Variants in DDX21 observed in about 807,000 individuals in gnomAD.
DDX21 encodes the protein nucleolar RNA helicase 2.
A neutral mutation model predicts 90.0 loss-of-function variants in DDX21; 18 were observed. The observed-to-expected ratio is 0.20, with a 90% CI of 0.14 to 0.30. The LOEUF is 0.30. DDX21 is among the 10% of genes least tolerant of loss of function. The probability of loss-of-function intolerance (pLI) is 1.00; values close to 1 mark genes in which losing one functional copy is unlikely to be tolerated. For synonymous variants in DDX21, 294 were observed against 318.0 expected (o/e 0.92, Z 0.80); for missense variants, 673 against 944.5 (o/e 0.71, Z 3.77).
intron 10 of DDX21, among the ~76,000 whole-genome samples, chr10:68,974,327 T>C (rs1027980780): frequency 6.6e-6 from 1 of 152,134 alleles, no homozygotes; most frequent in African/African-American, 2.4e-5. Context: ...AGGGACATTC[T>C]ACAAAACTGT....
intron 12 of DDX21, among the ~76,000 whole-genome samples, chr10:68,978,365 T>C (rs1322927398): frequency 2.6e-5 from 4 of 152,232 alleles, no homozygotes; most frequent in African/African-American, 9.6e-5. Flanking sequence ...TTATATACTT[T>C]CAAATGGTGA....
chr10:68,956,472 C>G (rs1357526953), intron 1 of DDX21, 160 bp downstream of exon 1: 2 of 1,458,688 alleles, frequency 1.4e-6, no homozygotes, highest in African/African-American at 1.4e-5. Flanking sequence ...AGGAGTGGTG[C>G]GCTCCCCGGG....
Position 68,982,563 on chromosome 10 carries a change from A to G in DDX21, c.2103A>G (p.Arg701=). 6.2e-7 allele frequency: 1 copy of G among 1,610,666 alleles called. No homozygotes were observed. Among genetic ancestry groups the G allele is most frequent in the Non-Finnish European group, 8.5e-7 (1 of 1,176,986 alleles). The change falls in exon 15 of 15, where the codon CGA becomes CGG. Residue 701 remains arginine (R), a synonymous_variant. Coordinates refer to ENST00000354185, the MANE Select transcript of DDX21 (RefSeq NM_004728.4). ...TEIQEKWHDS[R]RWQLSVATEQ... is the part of the protein sequence containing the mutation. Reference sequence around the variant, plus strand: ...AACAGGAGAAATGGCATGATTCACGACGCTGGCAGCTCTCTGTGGCCACAG... The same window carrying G: ...AACAGGAGAAATGGCATGATTCACGGCGCTGGCAGCTCTCTGTGGCCACAG...
chr10:68,959,063 GAAAGA>G (rs983065564), intron 1 of DDX21, among the ~76,000 whole-genome samples: 17 of 152,120 alleles, frequency 1.1e-4, no homozygotes, highest in African/African-American at 3.6e-4. Flanking sequence ...TTAGCAGGAA[GAAAGA>G]AAAGAAACCT....
intron 9 of DDX21, among the ~76,000 whole-genome samples, chr10:68,972,992 C>G (rs1843048227): frequency 1.3e-5 from 2 of 152,088 alleles, no homozygotes; most frequent in African/African-American, 2.4e-5. Flanking sequence ...CGAGACCAGC[C>G]TGGCCAATAT....
chr10:68,981,851 T>G (rs914075086), intron 14 of DDX21, among the ~76,000 whole-genome samples: 3 of 148,826 alleles, frequency 2.0e-5, no homozygotes, highest in African/African-American at 2.5e-5. Flanking sequence ...TATATAGATT[T>G]TGTGTGTGTG....
chr10:68,959,241 C>T (rs1311126965), intron 1 of DDX21, among the ~76,000 whole-genome samples: 1 of 152,062 alleles, frequency 6.6e-6, no homozygotes, highest in Admixed American at 6.6e-5. Context: ...CTCATGTAAT[C>T]CTAGCAGTTT....
At chr10:68,976,717 T>A (rs911160522) in intron 11 of DDX21, among the ~76,000 whole-genome samples, 1 of 152,178 alleles carries the variant, frequency 6.6e-6, no homozygotes, top group African/African-American at 2.4e-5. Context: ...AGAAGGGGAA[T>A]GGGACAAAGA....
At chr10:68,968,736 A>G (rs994717330) in intron 6 of DDX21, among the ~76,000 whole-genome samples, 5 of 152,236 alleles carry the variant, frequency 3.3e-5, no homozygotes, top group African/African-American at 1.2e-4. Flanking sequence ...AATGGTCAGA[A>G]AGCAAAATAA....
chr10:68,962,116 C>G lies in DDX21; in HGVS notation c.566C>G (p.Ser189Cys), dbSNP rs770593923. Residue 189 changes from serine to cysteine, a missense_variant, in exon 3 of 15, where the codon TCT becomes TGT. Ser to Cys is a moderately radical substitution (Grantham distance 112). Around this residue, in one of 4 missense-constraint regions of DDX21, gnomAD observed 204 missense variants for 221.6 expected, o/e 0.92. Transcript: ENST00000354185. ...GTGGAACAAAAAGAAGGCGCTTTCT[C>G]TAATTTTCCCATATCTGAAGAAACT... The part of the protein sequence containing the change: ...IPVEQKEGAF[S>C]NFPISEETIK... 5 of 1,612,736 alleles carry G rather than the reference C, an allele frequency of 3.1e-6. No homozygotes were observed. Among genetic ancestry groups the G allele is most frequent in the East Asian group, 2.2e-5 (1 of 44,812 alleles).
chr10:68,956,892 A>C, intron 1 of DDX21: 5 of 434,716 alleles, frequency 1.2e-5, no homozygotes, highest in Non-Finnish European at 1.5e-5. Flanking sequence ...AAATACAAAA[A>C]TTAGCCGGGC....
chr10:68,964,934 C>A (rs1381213073), intron 4 of DDX21, among the ~76,000 whole-genome samples: 1 of 152,144 alleles, frequency 6.6e-6, no homozygotes, highest in Admixed American at 6.6e-5. Context: ...AGCCATTGCG[C>A]CTGGCCAGCA....
At chr10:68,972,524 C>G (rs1843040663) in intron 9 of DDX21, among the ~76,000 whole-genome samples, 1 of 152,110 alleles carries the variant, frequency 6.6e-6, no homozygotes, top group Non-Finnish European at 1.5e-5. Flanking sequence ...AAAGGTATTC[C>G]AATCACTTCC....
chr10:68,982,858 A>G lies in DDX21; in HGVS notation c.*46A>G, dbSNP rs1343646305. 3 of 1,599,696 alleles carry G rather than the reference A, an allele frequency of 1.9e-6. No homozygotes were observed. Among genetic ancestry groups the G allele is most frequent in the Non-Finnish European group, 2.6e-6 (3 of 1,171,466 alleles). ...TAGCAAAAAGAGAATGATGTTTGGCAATATAGAACTGAACATTATTTTTCA... is the reference window on the plus strand; with the variant it reads ...TAGCAAAAAGAGAATGATGTTTGGCGATATAGAACTGAACATTATTTTTCA... On this transcript the variant is annotated 3_prime_UTR_variant, in exon 15 of 15. Coordinates refer to ENST00000354185, the MANE Select transcript of DDX21 (RefSeq NM_004728.4).
intron 8 of DDX21, 75 bp downstream of exon 8, chr10:68,970,425 C>G: frequency 7.1e-7 from 1 of 1,411,890 alleles, no homozygotes. Flanking sequence ...TGCTCTTGGT[C>G]TGATTTTCAT....
At chr10:68,970,485 C>CTTTTT (rs35874790) in intron 8 of DDX21, 135 bp downstream of exon 8, 13 of 530,086 alleles carry the variant, frequency 2.5e-5, no homozygotes, top group African/African-American at 1.6e-4. Flanking sequence ...GAGGAAGCTA[C>CTTTTT]TTTTTTTTTT....
intron 2 of DDX21, among the ~76,000 whole-genome samples, chr10:68,960,516 C>T (rs1380242817): frequency 1.3e-5 from 2 of 152,030 alleles, no homozygotes. Context: ...GGCTGGAGTA[C>T]AGTGGCACGA....
chr10:68,958,588 C>T (rs951081556), intron 1 of DDX21, among the ~76,000 whole-genome samples: 6 of 152,144 alleles, frequency 3.9e-5, no homozygotes, highest in Non-Finnish European at 8.8e-5. Context: ...AGGTGCGTGC[C>T]ACCATGCCTG....
intron 4 of DDX21, among the ~76,000 whole-genome samples, chr10:68,964,665 T>TTC (rs1282421026): frequency 6.7e-6 from 1 of 148,166 alleles, no homozygotes; most frequent in Admixed American, 6.8e-5. Flanking sequence ...CCTGGACTTT[T>TTC]TTTTTTTTTT....
Sources: allele counts gnomAD v4.1 joint callset (sites outside exome capture counted in the v4.1 genomes callset), GRCh38; gene constraint gnomAD v4.1.1; regional missense constraint gnomAD v4.1.1; transcripts MANE v1.5; gene names NCBI Gene and HGNC (gene_info 2026-07-23, HGNC 2026-07-21).